The following PTPN21 variants were observed in gnomAD, a reference collection of about 807,000 sequenced individuals.
PTPN21 encodes protein tyrosine phosphatase non-receptor type 21, also known as tyrosine-protein phosphatase non-receptor type 21.
Under a neutral mutation model 131.8 loss-of-function variants are expected in PTPN21, and 77 were observed. The ratio of observed to expected loss-of-function variants is 0.58; its 90% CI spans 0.49 to 0.71. PTPN21 has a LOEUF of 0.71. PTPN21 is among the 30% of genes least tolerant of loss of function. The probability of loss-of-function intolerance (pLI) is 0.00; values close to 1 mark genes in which losing one functional copy is unlikely to be tolerated. For missense variants in PTPN21, 1,552 were observed against 1,527.1 expected (o/e 1.02, Z -0.27); for synonymous variants, 715 against 621.3 (o/e 1.15, Z -2.24).
At chr14:88,483,686 C>G (rs1475933827) in intron 12 of PTPN21, among the ~76,000 whole-genome samples, 1 of 152,164 alleles carries the variant, frequency 6.6e-6, no homozygotes, top group African/African-American at 2.4e-5. Flanking sequence ...AAACTAGGAA[C>G]AGCAACCCCA....
chr14:88,502,212 AC>A (rs2078020097), intron 6 of PTPN21, among the ~76,000 whole-genome samples: 1 of 151,996 alleles, frequency 6.6e-6, no homozygotes, highest in East Asian at 1.9e-4. Flanking sequence ...TCCTCAAGGC[AC>A]CCACACTGCA....
At chr14:88,513,313 C>T (rs748434473) in intron 3 of PTPN21, among the ~76,000 whole-genome samples, 2 of 152,052 alleles carry the variant, frequency 1.3e-5, no homozygotes, top group African/African-American at 4.8e-5. Context: ...TACAGGCGTG[C>T]GCCACCACAC....
intron 2 of PTPN21, among the ~76,000 whole-genome samples, chr14:88,534,667 A>T (rs1233423075): frequency 1.3e-5 from 2 of 152,088 alleles, no homozygotes; most frequent in Non-Finnish European, 2.9e-5. Context: ...TGAGGTCAGG[A>T]GTTCAAGACA....
chr14:88,539,380 GC>G (rs2078673514), intron 2 of PTPN21, among the ~76,000 whole-genome samples: 2 of 151,866 alleles, frequency 1.3e-5, no homozygotes, highest in African/African-American at 2.4e-5. Context: ...CTCCTGACTA[GC>G]TGGGATTACA....
At chr14:88,530,785 A>G (rs1363977000) in intron 2 of PTPN21, among the ~76,000 whole-genome samples, 1 of 152,206 alleles carries the variant, frequency 6.6e-6, no homozygotes, top group Non-Finnish European at 1.5e-5. Flanking sequence ...CCAAATTTAC[A>G]AAACAATTAC....
intron 3 of PTPN21, among the ~76,000 whole-genome samples, chr14:88,514,334 CTTAATTTT>C (rs1229116124): frequency 6.6e-6 from 1 of 152,020 alleles, no homozygotes; most frequent in Non-Finnish European, 1.5e-5. Context: ...ATGTTATTTT[CTTAATTTT>C]TTAAGTTCAT....
intron 1 of PTPN21, chr14:88,551,702 A>G (rs1373915273): frequency 6.6e-6 from 1 of 152,240 alleles, no homozygotes; most frequent in East Asian, 1.9e-4. Flanking sequence ...TATAGAGCGA[A>G]GTCTCGCTAT....
chr14:88,540,112 T>C (rs2078685520), intron 2 of PTPN21, among the ~76,000 whole-genome samples: 1 of 152,230 alleles, frequency 6.6e-6, no homozygotes, highest in South Asian at 2.1e-4. Flanking sequence ...TTAACAATAA[T>C]ACCTCTCCAG....
At chr14:88,498,893 C>T (rs1026263101) in intron 8 of PTPN21, among the ~76,000 whole-genome samples, 2 of 110,912 alleles carry the variant, frequency 1.8e-5, no homozygotes, top group African/African-American at 5.1e-5. Flanking sequence ...AAATTTTATC[C>T]TTCTCCATTA....
intron 9 of PTPN21, 30 bp from the exon 10 acceptor site, chr14:88,496,522 T>G (rs148601623): frequency 3.3e-6 from 5 of 1,516,104 alleles, no homozygotes; most frequent in Non-Finnish European, 4.6e-6. Flanking sequence ...TAAAGCAATA[T>G]GAAAGCACAC....
rs2077609828 is a variant in PTPN21 at position 88,479,619 on chromosome 14, T to C, written c.1812A>G (p.Gln604=). The change falls in exon 13 of 19, where the codon CAA becomes CAG. Residue 604 remains glutamine, a synonymous_variant. Transcript: ENST00000556564. ...LITRRVHHSV[Q]TFQEDSLPVA... ...CGGGCAGGCTGTCCTCCTGGAACGTTTGCACCGAGTGGTGCACGCGCCGCG... is the reference window on the plus strand; with the variant it reads ...CGGGCAGGCTGTCCTCCTGGAACGTCTGCACCGAGTGGTGCACGCGCCGCG... The C allele has an allele frequency of 1.3e-6, 2 of 1,576,748 alleles. No homozygotes were observed. Among genetic ancestry groups the C allele is most frequent in the Admixed American group, 1.8e-5 (1 of 56,238 alleles).
intron 2 of PTPN21, among the ~76,000 whole-genome samples, chr14:88,546,024 C>T (rs991235463): frequency 1.3e-3 from 185 of 147,190 alleles, no homozygotes; most frequent in African/African-American, 4.4e-3. Flanking sequence ...AAAGAAGTTA[C>T]TTTCTGTAGT....
intron 2 of PTPN21, among the ~76,000 whole-genome samples, chr14:88,537,590 T>C (rs2078648370): frequency 6.6e-6 from 1 of 151,934 alleles, no homozygotes; most frequent in Non-Finnish European, 1.5e-5. Flanking sequence ...TAGGGAAAAA[T>C]AGACAAGCAA....
intron 2 of PTPN21, among the ~76,000 whole-genome samples, chr14:88,536,909 C>T (rs536599315): frequency 3.3e-5 from 5 of 152,190 alleles, no homozygotes; most frequent in African/African-American, 2.4e-5. Context: ...AAGTATTAAC[C>T]TAATTCAAGC....
In PTPN21 at chr14:88,501,335, G is replaced by A; in HGVS notation, c.621C>T (p.Tyr207=). 1 of 1,614,080 alleles carries A rather than the reference G, an allele frequency of 6.2e-7. No individual in the cohort carries two copies. Among genetic ancestry groups the A allele is most frequent in the Middle Eastern group, 1.6e-4 (1 of 6,062 alleles). The stretch of plus-strand genomic sequence containing the variant: ...CATCCATTCTCTCTACCTCCTGCAT[G>A]TACAGCATTTCAGCATCAGGAGCTG... The part of the protein sequence containing the change: ...GLTAPDAEML[Y]MQEVERMDGY... The change falls in exon 7 of 19, where the codon TAC becomes TAT. Residue 207 remains tyrosine, a synonymous_variant. Coordinates refer to ENST00000556564, the MANE Select transcript of PTPN21 (RefSeq NM_007039.4).
In PTPN21 at chr14:88,550,242, C is replaced by T. The variant is rs752802698; in HGVS notation, c.176G>A (p.Arg59Gln). Residue 59 changes from arginine (R) to glutamine (Q), a missense_variant, in exon 2 of 19, where the codon CGG (arginine) becomes CAG (glutamine). Physicochemically the swap from Arg to Gln is conservative, Grantham distance 43. Coordinates refer to ENST00000556564, the MANE Select transcript of PTPN21 (RefSeq NM_007039.4). ...LEAVAQRLEL[R>Q]EVTYFSLWYY... The stretch of plus-strand genomic sequence containing the variant: ...CAGTGTCTTTAGGTGGCTTACCTCC[C>T]GCAGCTCCAGCCTCTGGGCCACGGC... The T allele has an allele frequency of 3.1e-6, 5 of 1,612,968 alleles. No homozygotes were observed. Among genetic ancestry groups the T allele is most frequent in the Non-Finnish European group, 4.2e-6 (5 of 1,179,648 alleles).
At chr14:88,484,203 A>G (rs1436865890) in intron 12 of PTPN21, among the ~76,000 whole-genome samples, 1 of 141,874 alleles carries the variant, frequency 7.0e-6, no homozygotes, top group Non-Finnish European at 1.5e-5. Flanking sequence ...GCATACCACT[A>G]CGCCCAGCTA....
At chr14:88,521,037 G>C (rs1252343147) in intron 2 of PTPN21, among the ~76,000 whole-genome samples, 1 of 151,884 alleles carries the variant, frequency 6.6e-6, no homozygotes, top group Non-Finnish European at 1.5e-5. Context: ...GGTCAAGAGA[G>C]GGTCTCACTA....
rs922828880 is a variant in PTPN21, at chr14:88,472,396, G to A, written c.2719C>T (p.Arg907Trp). 2.5e-6 allele frequency: 4 copies of A among 1,613,924 alleles called. No homozygotes were observed. Among genetic ancestry groups the A allele is most frequent in the Admixed American group, 1.7e-5 (1 of 60,004 alleles). Residue 907 changes from arginine to tryptophan, a missense_variant, in exon 15 of 19, where the codon CGG (arginine) becomes TGG (tryptophan). By Grantham distance (101) the Arg-to-Trp change is moderately radical. Coordinates refer to ENST00000556564, the MANE Select transcript of PTPN21 (RefSeq NM_007039.4). ...GTTGAGCACTCCCCATCAACTAGCC[G>A]TTTCTTAAGAATTCTTTCATATTCT... ...FTEYERILKK[R>W]LVDGECSTAR...
Sources: gnomAD v4.1 joint callset for allele counts (sites outside exome capture counted in the v4.1 genomes callset) on GRCh38, gnomAD v4.1.1 for gene constraint, MANE v1.5 for transcripts, NCBI Gene and HGNC (gene_info 2026-07-23, HGNC 2026-07-21) for gene names.